Variants in TNRC6C observed in about 807,000 individuals in gnomAD.
TNRC6C encodes the protein trinucleotide repeat containing adaptor 6C.
In TNRC6C, 20 loss-of-function variants were observed where a neutral mutation model predicts 153.7. The ratio of observed to expected loss-of-function variants is 0.13; its 90% CI spans 0.09 to 0.19. The LOEUF (loss-of-function observed/expected upper bound fraction) is 0.19. Among genes scored for constraint, TNRC6C ranks in the 10% least tolerant of loss-of-function variants. The pLI, the probability that TNRC6C is intolerant of heterozygous loss-of-function variation, is 1.00. For missense variants in TNRC6C, 1,987 were observed against 2,172.0 expected (o/e 0.91, Z 1.69); for synonymous variants, 811 against 841.4 (o/e 0.96, Z 0.63).
chr17:78,008,089 G>A (rs1214604165), intron 1 of TNRC6C, among the ~76,000 whole-genome samples: 1 of 152,104 alleles, frequency 6.6e-6, no homozygotes, highest in Non-Finnish European at 1.5e-5. Context: ...CTCCATTATA[G>A]CATTAATTAT....
At chr17:77,963,616 G>C (rs1233032088) in intron 1 of TNRC6C, among the ~76,000 whole-genome samples, 1 of 152,218 alleles carries the variant, frequency 6.6e-6, no homozygotes, top group African/African-American at 2.4e-5. Flanking sequence ...TGTGTGCAGA[G>C]CTAGACAATC....
intron 10 of TNRC6C, among the ~76,000 whole-genome samples, chr17:78,082,184 G>A (rs1376741067): frequency 6.7e-6 from 1 of 150,046 alleles, no homozygotes; most frequent in Non-Finnish European, 1.5e-5. Flanking sequence ...TGAAAGCTGG[G>A]TCCGGGGGGT....
upstream of TNRC6C, chr17:78,004,071 T>A (rs9889700): frequency 5.7e-6 from 7 of 1,227,330 alleles, no homozygotes; most frequent in East Asian, 1.9e-4. Flanking sequence ...GTATACCATA[T>A]GCGAAATTCT....
intron 11 of TNRC6C, among the ~76,000 whole-genome samples, chr17:78,085,982 A>G (rs1478921183): frequency 6.6e-6 from 1 of 152,000 alleles, no homozygotes; most frequent in East Asian, 1.9e-4. Flanking sequence ...AGTTCTGCGC[A>G]CTAAAAAAGT....
chr17:78,001,495 T>C (rs1022556712), upstream of TNRC6C, among the ~76,000 whole-genome samples: 2 of 152,158 alleles, frequency 1.3e-5, no homozygotes, highest in Non-Finnish European at 2.9e-5. Flanking sequence ...GAAGAATGAC[T>C]GAATAATATG....
At chr17:78,098,853 G>T (rs2073536786) in intron 17 of TNRC6C, among the ~76,000 whole-genome samples, 1 of 152,134 alleles carries the variant, frequency 6.6e-6, no homozygotes, top group South Asian at 2.1e-4. Flanking sequence ...CCCCACACTG[G>T]GCCATCAGAG....
chr17:78,096,075 C>T (rs145947853), intron 16 of TNRC6C, among the ~76,000 whole-genome samples: 168 of 152,200 alleles, frequency 1.1e-3, no homozygotes, highest in Middle Eastern at 6.8e-3. Context: ...CCTCCCAAAG[C>T]GCTGGGATTA....
At chr17:78,081,511 A>G (rs1012992891) in intron 10 of TNRC6C, among the ~76,000 whole-genome samples, 4 of 152,210 alleles carry the variant, frequency 2.6e-5, no homozygotes, top group Non-Finnish European at 2.9e-5. Flanking sequence ...AGGATATAGG[A>G]TAAGCCACCA....
chr17:78,042,492 G>A (rs1417403997), intron 2 of TNRC6C, among the ~76,000 whole-genome samples: 3 of 151,970 alleles, frequency 2.0e-5, no homozygotes, highest in Non-Finnish European at 4.4e-5. Flanking sequence ...TATAAAGTAT[G>A]TGATGTCTTG....
intron 1 of TNRC6C, among the ~76,000 whole-genome samples, chr17:78,021,565 TA>T (rs1187076610): frequency 6.6e-6 from 1 of 152,208 alleles, no homozygotes; most frequent in African/African-American, 2.4e-5. Context: ...ATAGGTTATT[TA>T]TTTTTTTATT....
intron 3 of TNRC6C, among the ~76,000 whole-genome samples, chr17:78,055,090 CTG>C (rs2072626053): frequency 6.6e-6 from 1 of 152,248 alleles, no homozygotes; most frequent in Admixed American, 6.5e-5. Flanking sequence ...TTGGTGAACA[CTG>C]TACGCTTAGG....
At chr17:77,997,634 C>T (rs1026886464) in intron 1 of TNRC6C, among the ~76,000 whole-genome samples, 2 of 152,048 alleles carry the variant, frequency 1.3e-5, no homozygotes, top group Non-Finnish European at 2.9e-5. Flanking sequence ...ACCCTTTTCA[C>T]CATAACCATT....
intron 1 of TNRC6C, among the ~76,000 whole-genome samples, chr17:77,978,049 C>T (rs987022056): frequency 6.6e-6 from 1 of 151,950 alleles, no homozygotes; most frequent in Non-Finnish European, 1.5e-5. Context: ...GCGCCCGCCA[C>T]CACGCCCAGC....
At chr17:78,086,408 C>CT (rs1194280921) in intron 11 of TNRC6C, 95 bp from the exon 14 acceptor site, 24 of 854,252 alleles carry the variant, frequency 2.8e-5, no homozygotes, top group Admixed American at 8.1e-5. Flanking sequence ...GCTAGGTTCT[C>CT]TTTTTTTATT....
chr17:78,061,847 A>T (rs533215324), intron 3 of TNRC6C, among the ~76,000 whole-genome samples: 21 of 152,334 alleles, frequency 1.4e-4, no homozygotes, highest in Non-Finnish European at 4.4e-5. Flanking sequence ...GAGGAATTTT[A>T]AATTCTTTAT....
intron 2 of TNRC6C, among the ~76,000 whole-genome samples, chr17:78,041,286 C>A (rs190337036): frequency 5.9e-5 from 9 of 152,284 alleles, no homozygotes; most frequent in African/African-American, 2.2e-4. Flanking sequence ...AAAATGGCGT[C>A]TTGGAAAAGA....
intron 1 of TNRC6C, among the ~76,000 whole-genome samples, chr17:77,988,289 G>T (rs149131424): frequency 7.7e-4 from 117 of 152,292 alleles, no homozygotes; most frequent in African/African-American, 2.7e-3. Context: ...TGAGGTGGGA[G>T]AGTCACTTGA....
chr17:78,039,309 GCCC>G lies in TNRC6C; in HGVS notation c.-219+7477_-219+7479del, dbSNP rs11306576. ...CCACAGAACAGCAATTTCAAATCTT[GCCC>G]CCCCCCCCCACTCCCTACCTCTTAC... On this transcript the variant is annotated intron_variant, in intron 2 of 19. Coordinates refer to ENST00000301624, the Ensembl canonical transcript of TNRC6C. Among the ~76,000 whole-genome samples, 437 of 113,558 alleles carry G rather than the reference GCCC, an allele frequency of 3.8e-3. 19 individuals carry two copies. The East Asian group carries it at 0.095, about 25-fold the overall frequency. The allele number at this position is 113,558 out of a possible 152,430, so 74.5% of individuals were successfully genotyped here.
intron 1 of TNRC6C, among the ~76,000 whole-genome samples, chr17:78,020,956 T>G (rs1288349821): frequency 1.3e-5 from 2 of 152,254 alleles, no homozygotes; most frequent in Admixed American, 6.5e-5. Flanking sequence ...GTGTGTCTTC[T>G]TTATTTCCCC....
Sources: gnomAD v4.1 joint callset for allele counts (sites outside exome capture counted in the v4.1 genomes callset) on GRCh38, gnomAD v4.1.1 for gene constraint, MANE v1.5 for transcripts, NCBI Gene and HGNC (gene_info 2026-07-23, HGNC 2026-07-21) for gene names.